E2F4: variants seen among roughly 807,000 people sequenced by gnomAD.
The protein encoded by E2F4 is E2F transcription factor 4.
In E2F4, 16 loss-of-function variants were observed where a neutral mutation model predicts 44.5. The ratio of observed to expected loss-of-function variants is 0.36; its 90% CI spans 0.24 to 0.55. The LOEUF (loss-of-function observed/expected upper bound fraction) is 0.55, where lower values mean the gene tolerates loss of function less well. Ranked by LOEUF, E2F4 falls within the 20% of genes least tolerant of loss-of-function variation. E2F4 has a pLI of 0.87. For missense variants in E2F4, 473 were observed against 522.1 expected (o/e 0.91, Z 0.92); for synonymous variants, 242 against 207.2 (o/e 1.17, Z -1.44).
chr16:67,192,902 C>G lies in E2F4; in HGVS notation c.245+32C>G, dbSNP rs374181513. 6.3e-6 allele frequency: 10 copies of G among 1,590,166 alleles called. No individual in the cohort carries two copies. The African/African-American group carries it at 1.3e-4, about 21-fold the overall frequency. ...GGGCATAGTGGGAGGGTAGTAGAGT[C>G]TCCCACCCAGAAGTGTCGGGCGTGG... On this transcript the variant is annotated intron_variant, in intron 2 of 9. Coordinates refer to ENST00000379378, the MANE Select transcript of E2F4 (RefSeq NM_001950.4).
chr16:67,195,066 T>C (rs939502255), intron 6 of E2F4, 86 bp downstream of exon 6: 3 of 1,500,234 alleles, frequency 2.0e-6, no homozygotes, highest in Non-Finnish European at 1.8e-6. Flanking sequence ...TGGAAGAGAC[T>C]CTTCAGGTTG....
chr16:67,193,277 T>C, intron 3 of E2F4, 107 bp downstream of exon 3: 6 of 1,521,338 alleles, frequency 3.9e-6, no homozygotes, highest in Non-Finnish European at 5.4e-6. Context: ...CCACTGGCCA[T>C]GGCCCAGCCT....
chr16:67,194,312 T>A (rs1448226846), intron 4 of E2F4, 86 bp from the exon 5 acceptor site: 1 of 1,457,734 alleles, frequency 6.9e-7, no homozygotes, highest in African/African-American at 1.4e-5. Flanking sequence ...GACCGTGATC[T>A]CCTGCCTTGC....
intron 4 of E2F4, chr16:67,193,931 T>A: frequency 4.1e-6 from 1 of 246,502 alleles, no homozygotes; most frequent in South Asian, 7.0e-5. Context: ...TTTTTCTTTT[T>A]AAGAGATGGG....
At chr16:67,195,514 A>T in intron 6 of E2F4, 1 of 594,422 alleles carries the variant, frequency 1.7e-6, no homozygotes, top group South Asian at 2.1e-5. Flanking sequence ...ATCCACATCC[A>T]CTGGTGTCTC....
chr16:67,198,319 A>C lies in E2F4; in HGVS notation c.*196A>C, dbSNP rs1004056126. 1.7e-6 allele frequency: 1 copy of C among 594,124 alleles called. No individual in the cohort carries two copies. The allele number at this position is 594,124 out of a possible 1,614,324, so 36.8% of individuals were successfully genotyped here. On this transcript the variant is annotated 3_prime_UTR_variant, in exon 10 of 10. Transcript: ENST00000379378. ...TTCTGTGCTCGCAGAGCAGGGGAAC[A>C]GGACTCAGCCCCCATCACCGTGGAG...
chr16:67,195,982 C>T lies in E2F4; in HGVS notation c.1009C>T (p.Pro337Ser). The T allele has an allele frequency of 3.7e-6, 6 of 1,614,150 alleles. No homozygotes were observed. The highest frequency in any genetic ancestry group is 4.2e-6 in the Non-Finnish European group (5 of 1,180,014). The change falls in exon 7 of 10, where the codon CCC becomes TCC. Residue 337 changes from proline (P) to serine (S), a missense_variant. Coordinates refer to ENST00000379378, the MANE Select transcript of E2F4 (RefSeq NM_001950.4). ...ACCCAACCCTTCTACCTCCTTTGAG[C>T]CCATCAAGGCAGACCCCACAGGTGG... is the stretch of plus-strand genomic sequence containing the variant. ...SGPNPSTSFE[P>S]IKADPTGVLE...
chr16:67,193,220 G>A (rs2032916350), intron 3 of E2F4, 50 bp downstream of exon 3: 3 of 1,541,142 alleles, frequency 1.9e-6, no homozygotes, highest in Non-Finnish European at 2.6e-6. Flanking sequence ...GGGCCCTCTG[G>A]TTCAACTTGC....
Position 67,197,598 on chromosome 16 carries a change from G to A in E2F4, c.1034-1G>A, listed in dbSNP as rs1329520914. 1.2e-6 allele frequency: 2 copies of A among 1,614,186 alleles called. No individual in the cohort carries two copies. The highest frequency in any genetic ancestry group is 8.5e-7 in the Non-Finnish European group (1 of 1,180,032). ...CTGAGCATGGCTTTCTTGTTTTTCA[G>A]TTTTGGAACTCCCCAAAGAGCTGTC... On this transcript the variant is annotated splice_acceptor_variant, in intron 7 of 9. Transcript: ENST00000379378. LOFTEE classifies it high-confidence loss of function.
chr16:67,192,658 C>A, intron 1 of E2F4, 103 bp from the exon 2 acceptor site: 1 of 1,172,350 alleles, frequency 8.5e-7, no homozygotes, highest in Non-Finnish European at 1.2e-6. Context: ...CTGGGAGGCA[C>A]TACAGGGTTG....
rs751386542 is a variant in E2F4, at chr16:67,192,220, C to T, written c.-8C>T. Reference sequence around the variant, plus strand: ...GGCCTGGCTGAGGGGAGGCGGCGGGCGGGCGCGATGGCGGAGGCCGGGCCA... The same window carrying T: ...GGCCTGGCTGAGGGGAGGCGGCGGGTGGGCGCGATGGCGGAGGCCGGGCCA... On this transcript the variant is annotated 5_prime_UTR_variant, in exon 1 of 10. Coordinates refer to ENST00000379378, the MANE Select transcript of E2F4 (RefSeq NM_001950.4). 37 of 1,078,328 alleles carry T rather than the reference C, an allele frequency of 3.4e-5. No individual in the cohort carries two copies. The South Asian group carries it at 3.8e-4, about 11-fold the overall frequency. 66.8% of individuals were successfully genotyped at this position (1,078,328 alleles called of 1,614,324 possible).
In E2F4 at chr16:67,192,856, C is replaced by T. The variant is rs1474225756; in HGVS notation, c.231C>T (p.Asn77=). The part of the protein sequence containing the change: ...GIGLIEKKSK[N]SIQWKGVGPG... The stretch of plus-strand genomic sequence containing the variant: ...GGCTAATCGAGAAAAAGTCCAAGAA[C>T]AGCATCCAGTGGAAGTGAGTGGGCA... Residue 77 remains asparagine (N), a synonymous_variant, in exon 2 of 10, where the codon AAC becomes AAT. Transcript: ENST00000379378. 1.2e-6 allele frequency: 2 copies of T among 1,611,588 alleles called. No homozygotes were observed. Among genetic ancestry groups the T allele is most frequent in the Non-Finnish European group, 1.7e-6 (2 of 1,178,804 alleles).
Position 67,193,048 on chromosome 16 carries a change from C to T in E2F4, c.285C>T (p.Asp95=). The T allele has an allele frequency of 6.4e-7, 1 of 1,571,772 alleles. No individual in the cohort carries two copies. The highest frequency in any genetic ancestry group is 2.3e-5 in the East Asian group (1 of 42,770). The change falls in exon 3 of 10, where the codon GAC becomes GAT. Residue 95 remains aspartate, a synonymous_variant. Coordinates refer to ENST00000379378, the MANE Select transcript of E2F4 (RefSeq NM_001950.4). ...GPGCNTREIA[D]KLIELKAEIE... Reference sequence around the variant, plus strand: ...GCTGCAATACCCGGGAGATTGCTGACAAACTGATTGAGCTCAAGGCAGAGA... The same window carrying T: ...GCTGCAATACCCGGGAGATTGCTGATAAACTGATTGAGCTCAAGGCAGAGA...
At chr16:67,194,586 C>G in intron 5 of E2F4, 100 bp from the exon 6 acceptor site, 1 of 1,568,440 alleles carries the variant, frequency 6.4e-7, no homozygotes, top group South Asian at 1.2e-5. Context: ...GATGGGCATC[C>G]TGGGTGGGAG....
At chr16:67,195,662 T>C (rs2032955062) in intron 6 of E2F4, 120 bp from the exon 7 acceptor site, 1 of 1,527,426 alleles carries the variant, frequency 6.5e-7, no homozygotes, top group Admixed American at 2.0e-5. Flanking sequence ...TGGCAATGCC[T>C]AATTCTCCTT....
Position 67,194,797 on chromosome 16 carries a change from G to A in E2F4, c.625G>A (p.Val209Met). ...GAGCTCACCCCCTGTGGCTGTGCCTGTGCCACCACCTGAAGATTTGCTCCA... is the reference window on the plus strand; with the variant it reads ...GAGCTCACCCCCTGTGGCTGTGCCTATGCCACCACCTGAAGATTTGCTCCA... Reference protein sequence around the residue: ...AWSSPPVAVPVPPPEDLLQSP... With the variant: ...AWSSPPVAVPMPPPEDLLQSP... The change falls in exon 6 of 10, where the codon GTG becomes ATG. Residue 209 changes from valine (V) to methionine (M), a missense_variant. Val to Met is a conservative substitution (Grantham distance 21). Around this residue, in one of 3 missense-constraint regions of E2F4, gnomAD observed 314 missense variants for 315.6 expected, o/e 0.99. Coordinates refer to ENST00000379378, the MANE Select transcript of E2F4 (RefSeq NM_001950.4). 6.2e-7 allele frequency: 1 copy of A among 1,614,206 alleles called. No homozygotes were observed. Among genetic ancestry groups the A allele is most frequent in the Non-Finnish European group, 8.5e-7 (1 of 1,180,014 alleles).
intron 3 of E2F4, 124 bp downstream of exon 3, chr16:67,193,294 C>G: frequency 6.6e-7 from 1 of 1,506,738 alleles, no homozygotes; most frequent in East Asian, 2.3e-5. Context: ...GCCTCAGGCT[C>G]CCTCCTCAGA....
intron 3 of E2F4, 68 bp downstream of exon 3, chr16:67,193,238 C>T: frequency 2.0e-6 from 3 of 1,532,212 alleles, no homozygotes; most frequent in Non-Finnish European, 2.6e-6. Context: ...TGCCCTGAGT[C>T]CTGTTCCTCT....
intron 4 of E2F4, chr16:67,194,122 C>G (rs112951318): frequency 4.4e-6 from 2 of 451,416 alleles, no homozygotes; most frequent in Non-Finnish European, 8.0e-6. Context: ...GCTAGAACAC[C>G]CTCACCTAGG....
Sources: allele counts gnomAD v4.1 joint callset, GRCh38; gene constraint gnomAD v4.1.1; regional missense constraint gnomAD v4.1.1; transcripts MANE v1.5; gene names NCBI Gene and HGNC (gene_info 2026-07-23, HGNC 2026-07-21).